The following JAKMIP2 variants were observed in gnomAD, a reference collection of about 807,000 sequenced individuals.
The protein encoded by JAKMIP2 is janus kinase and microtubule-interacting protein 2.
A neutral mutation model predicts 115.0 loss-of-function variants in JAKMIP2; 25 were observed. The ratio of observed to expected loss-of-function variants is 0.22; its 90% confidence interval spans 0.16 to 0.30. JAKMIP2 has a LOEUF of 0.30. JAKMIP2 is among the 10% of genes least tolerant of loss of function. The pLI, the probability that JAKMIP2 is intolerant of heterozygous loss-of-function variation, is 1.00. For missense variants in JAKMIP2, 642 were observed against 957.6 expected (o/e 0.67, Z 4.35); for synonymous variants, 334 against 343.6 (o/e 0.97, Z 0.31).
chr5:147,611,402 G>T (rs1322545069), intron 20 of JAKMIP2, among the ~76,000 whole-genome samples: 6 of 152,054 alleles, frequency 3.9e-5, no homozygotes, highest in Non-Finnish European at 7.4e-5. Flanking sequence ...CATCCCTCAT[G>T]GTGCAGTCCC....
In JAKMIP2 at chr5:147,782,642, C is replaced by A; in HGVS notation, c.-335G>T. On this transcript the variant is annotated 5_prime_UTR_variant, in exon 1 of 22. Transcript: ENST00000616793. ...CACCCTTCCAGCCCCACTAGAGTAT[C>A]AGCAATAGAGGCGGCGGCGGCGGCA... The A allele has an allele frequency of 4.3e-6, 3 of 695,030 alleles. No individual in the cohort carries two copies. Among genetic ancestry groups the A allele is most frequent in the South Asian group, 1.5e-5 (1 of 66,070 alleles). The allele number at this position is 695,030 out of a possible 1,614,324, so 43.1% of individuals were successfully genotyped here.
intron 1 of JAKMIP2, among the ~76,000 whole-genome samples, chr5:147,779,008 T>C (rs1365861076): frequency 6.6e-6 from 1 of 152,146 alleles, no homozygotes; most frequent in Non-Finnish European, 1.5e-5. Context: ...ACCTAATTTA[T>C]GTCTTTCAGT....
chr5:147,635,715 C>A (rs986353556), intron 12 of JAKMIP2, among the ~76,000 whole-genome samples: 1 of 152,258 alleles, frequency 6.6e-6, no homozygotes, highest in Admixed American at 6.5e-5. Flanking sequence ...GCATGTGCCA[C>A]CACATCTGCC....
Position 147,591,604 on chromosome 5 carries a change from C to G in JAKMIP2, c.*103G>C. 7.8e-7 allele frequency: 1 copy of G among 1,275,892 alleles called. No individual in the cohort carries two copies. The highest frequency in any genetic ancestry group is 1.1e-6 in the Non-Finnish European group (1 of 878,466). The allele number at this position is 1,275,892 out of a possible 1,614,324, so 79.0% of individuals were successfully genotyped here. On this transcript the variant is annotated 3_prime_UTR_variant, in exon 22 of 22. Coordinates refer to ENST00000616793, the MANE Select transcript of JAKMIP2 (RefSeq NM_001270941.2). Reference sequence around the variant, plus strand: ...GTAGTTCTTAGCTTTTGATCTCCCTCTCACTGGTGTAAACAATTTTGCCAT... The same window carrying G: ...GTAGTTCTTAGCTTTTGATCTCCCTGTCACTGGTGTAAACAATTTTGCCAT...
chr5:147,708,080 T>C (rs911753073), intron 1 of JAKMIP2, among the ~76,000 whole-genome samples: 1 of 152,226 alleles, frequency 6.6e-6, no homozygotes, highest in Non-Finnish European at 1.5e-5. Flanking sequence ...CTGGGAAATG[T>C]GCAACTATTG....
At chr5:147,633,098 A>G (rs1040915016) in intron 12 of JAKMIP2, among the ~76,000 whole-genome samples, 8 of 152,156 alleles carry the variant, frequency 5.3e-5, no homozygotes, top group Admixed American at 5.2e-4. Context: ...ACTAGAACCA[A>G]ATTTAATGGT....
At chr5:147,698,571 T>C (rs1273661233) in intron 1 of JAKMIP2, among the ~76,000 whole-genome samples, 2 of 152,196 alleles carry the variant, frequency 1.3e-5, no homozygotes, top group Non-Finnish European at 2.9e-5. Flanking sequence ...GATTGGATGA[T>C]GAAGATGGTT....
chr5:147,590,994 C>T lies in JAKMIP2; in HGVS notation c.*713G>A, dbSNP rs1232515881. 1 of 152,558 alleles carries T rather than the reference C, an allele frequency of 6.6e-6. No individual in the cohort carries two copies. Among genetic ancestry groups the T allele is most frequent in the Admixed American group, 6.6e-5 (1 of 15,266 alleles). 9.5% of individuals were successfully genotyped at this position (152,558 alleles called of 1,614,324 possible). ...TCACTGTGATCCACTTCTCATCTGTCGTCTGTGGAATGAATTCCACAAGCT... is the reference window on the plus strand; with the variant it reads ...TCACTGTGATCCACTTCTCATCTGTTGTCTGTGGAATGAATTCCACAAGCT... On this transcript the variant is annotated 3_prime_UTR_variant, in exon 22 of 22. Coordinates refer to ENST00000616793, the MANE Select transcript of JAKMIP2 (RefSeq NM_001270941.2).
intron 3 of JAKMIP2, among the ~76,000 whole-genome samples, chr5:147,659,746 C>A (rs4705189): frequency 6.6e-6 from 1 of 152,020 alleles, no homozygotes; most frequent in African/African-American, 2.4e-5. Context: ...GGGCAGAGAC[C>A]GATATTTCTG....
At chr5:147,624,345 C>A (rs1218968172) in intron 16 of JAKMIP2, among the ~76,000 whole-genome samples, 1 of 151,904 alleles carries the variant, frequency 6.6e-6, no homozygotes, top group Non-Finnish European at 1.5e-5. Flanking sequence ...GCACTGGGGT[C>A]CAAAGAATGG....
rs528748844 is a variant in JAKMIP2, at chr5:147,599,246, G to A, written c.*20+2495C>T. Reference sequence around the variant, plus strand: ...TTATGCCTTTGACATGCATAACCTCGTCTCATTCTCTCAACACAACACCCT... The same window carrying A: ...TTATGCCTTTGACATGCATAACCTCATCTCATTCTCTCAACACAACACCCT... On this transcript the variant is annotated intron_variant, in intron 21 of 21. Coordinates refer to ENST00000616793, the MANE Select transcript of JAKMIP2 (RefSeq NM_001270941.2). 4.1e-4 allele frequency among the ~76,000 whole-genome samples: 63 copies of A among 152,170 alleles called. 1 individual carries two copies. Among genetic ancestry groups the A allele is most frequent in the African/African-American group, 1.2e-3 (50 of 41,524 alleles).
chr5:147,600,094 T>G (rs1264745520), intron 21 of JAKMIP2, among the ~76,000 whole-genome samples: 9 of 112,270 alleles, frequency 8.0e-5, no homozygotes, highest in African/African-American at 2.0e-4. Flanking sequence ...ACTGTTTTTT[T>G]TTTTTTTTTT....
At chr5:147,594,612 A>G in intron 21 of JAKMIP2, 1 of 300,998 alleles carries the variant, frequency 3.3e-6, no homozygotes, top group Non-Finnish European at 7.0e-6. Context: ...GTGATTACAG[A>G]GCCACTGTGC....
At chr5:147,747,829 G>GT (rs1303292263) in intron 1 of JAKMIP2, among the ~76,000 whole-genome samples, 1 of 152,122 alleles carries the variant, frequency 6.6e-6, no homozygotes, top group Non-Finnish European at 1.5e-5. Flanking sequence ...TATGCCCTGT[G>GT]TTTTCCTGCC....
chr5:147,714,510 A>G (rs773760168), intron 1 of JAKMIP2, among the ~76,000 whole-genome samples: 18 of 152,302 alleles, frequency 1.2e-4, no homozygotes, highest in Middle Eastern at 3.4e-3. Context: ...CATATATTCA[A>G]TAGAGACTTA....
At chr5:147,709,516 T>C (rs542667925) in intron 1 of JAKMIP2, among the ~76,000 whole-genome samples, 54 of 152,340 alleles carry the variant, frequency 3.5e-4, no homozygotes, top group African/African-American at 1.3e-3. Flanking sequence ...TGTATATCGA[T>C]GACTTACTGT....
chr5:147,779,423 TA>T (rs1012162878), intron 1 of JAKMIP2, among the ~76,000 whole-genome samples: 2 of 151,818 alleles, frequency 1.3e-5, no homozygotes, highest in Non-Finnish European at 1.5e-5. Flanking sequence ...TTTGTTTTTT[TA>T]AAAAAAACAA....
intron 1 of JAKMIP2, among the ~76,000 whole-genome samples, chr5:147,782,142 T>G (rs1221873322): frequency 6.6e-6 from 1 of 152,212 alleles, no homozygotes; most frequent in African/African-American, 2.4e-5. Flanking sequence ...CTCTTCTTGT[T>G]GTTAGCTCTT....
At chr5:147,721,797 A>G (rs1753315868) in intron 1 of JAKMIP2, among the ~76,000 whole-genome samples, 1 of 152,088 alleles carries the variant, frequency 6.6e-6, no homozygotes, top group South Asian at 2.1e-4. Context: ...GAAATGCAGA[A>G]ATCACCGTCT....
Sources: allele counts gnomAD v4.1 joint callset (sites outside exome capture counted in the v4.1 genomes callset), GRCh38; gene constraint gnomAD v4.1.1; transcripts MANE v1.5; gene names NCBI Gene and HGNC (gene_info 2026-07-23, HGNC 2026-07-21).